The following C8orf34 variants were observed in gnomAD, a reference collection of about 807,000 sequenced individuals.
C8orf34 encodes chromosome 8 open reading frame 34, also known as uncharacterized protein C8orf34.
In C8orf34, 65 loss-of-function variants were observed where a neutral mutation model predicts 68.3. The ratio of observed to expected loss-of-function variants is 0.95; its 90% CI spans 0.78 to 1.17. C8orf34 has a LOEUF of 1.17. C8orf34 is among the 50% of genes most tolerant of loss of function. The pLI is 0.00. For missense variants in C8orf34, 664 were observed against 655.4 expected (o/e 1.01, Z -0.14); for synonymous variants, 244 against 241.2 (o/e 1.01, Z -0.11).
intron 8 of C8orf34, among the ~76,000 whole-genome samples, chr8:68,662,002 AC>A (rs952170460): frequency 2.0e-4 from 30 of 152,122 alleles, no homozygotes; most frequent in Non-Finnish European, 3.4e-4. Context: ...CAGGAGAAAA[AC>A]CATGTTAATT....
rs765133072 is a variant in C8orf34 at position 68,721,364 on chromosome 8, C to A, written c.1331C>A (p.Ser444Tyr). The A allele has an allele frequency of 6.3e-7, 1 of 1,599,820 alleles. No homozygotes were observed. Residue 444 changes from serine to tyrosine, a missense_variant, in exon 10 of 14, where the codon TCC becomes TAC. By Grantham distance (144) the Ser-to-Tyr change is moderately radical. Coordinates refer to ENST00000518698, the MANE Select transcript of C8orf34 (RefSeq NM_052958.4). ...CATTTTTTAAAAATAAAAATAGATT[C>A]CTTGCCTGGGACTGAAGAAGCACTA... ...PDEKIPDSFD[S>Y]LPGTEEALME... is the part of the protein sequence containing the mutation.
intron 5 of C8orf34, among the ~76,000 whole-genome samples, chr8:68,509,294 G>A (rs754509116): frequency 2.6e-5 from 4 of 152,176 alleles, no homozygotes; most frequent in Non-Finnish European, 4.4e-5. Context: ...GAAGGCAAGA[G>A]CAGACAAACT....
At chr8:68,404,312 C>T (rs1345733620) in intron 1 of C8orf34, among the ~76,000 whole-genome samples, 2 of 152,040 alleles carry the variant, frequency 1.3e-5, no homozygotes, top group East Asian at 1.9e-4. Context: ...AAGTTTCTCC[C>T]GTTCTGTAAG....
intron 7 of C8orf34, among the ~76,000 whole-genome samples, chr8:68,608,847 A>G (rs1009054492): frequency 6.6e-6 from 1 of 152,074 alleles, no homozygotes; most frequent in African/African-American, 2.4e-5. Flanking sequence ...TGTTAATAGT[A>G]CGGATGAAGT....
chr8:68,431,934 G>T (rs1810468449), intron 1 of C8orf34, among the ~76,000 whole-genome samples: 1 of 152,078 alleles, frequency 6.6e-6, no homozygotes, highest in East Asian at 1.9e-4. Flanking sequence ...TTATTCCATA[G>T]TATACAACAA....
intron 7 of C8orf34, among the ~76,000 whole-genome samples, chr8:68,559,077 G>A (rs1179076793): frequency 6.6e-6 from 1 of 152,088 alleles, no homozygotes; most frequent in African/African-American, 2.4e-5. Flanking sequence ...CAATGAGAGT[G>A]AACATGAACA....
intron 7 of C8orf34, chr8:68,534,254 T>C: frequency 1.3e-5 from 13 of 985,388 alleles, no homozygotes; most frequent in Non-Finnish European, 1.4e-5. Context: ...TCATGGCGTT[T>C]TCATTACATG....
At chr8:68,702,208 T>C (rs1217081490) in intron 8 of C8orf34, among the ~76,000 whole-genome samples, 2 of 152,116 alleles carry the variant, frequency 1.3e-5, no homozygotes, top group Admixed American at 6.6e-5. Flanking sequence ...CCAGCCACCA[T>C]GGGCACTCTC....
chr8:68,497,184 G>T (rs1316978786), intron 5 of C8orf34, among the ~76,000 whole-genome samples: 1 of 152,010 alleles, frequency 6.6e-6, no homozygotes, highest in Non-Finnish European at 1.5e-5. Context: ...GAGAATAAAA[G>T]ACCTAAATTC....
intron 1 of C8orf34, among the ~76,000 whole-genome samples, chr8:68,419,157 A>T (rs1351957807): frequency 6.6e-6 from 1 of 152,160 alleles, no homozygotes; most frequent in Non-Finnish European, 1.5e-5. Context: ...CCCATCAAGA[A>T]GTGGGCGAAG....
chr8:68,428,058 G>A (rs955167650), intron 1 of C8orf34, among the ~76,000 whole-genome samples: 1 of 150,714 alleles, frequency 6.6e-6, no homozygotes, highest in African/African-American at 2.4e-5. Flanking sequence ...GTTCTTTAAA[G>A]AAATATAGCT....
intron 11 of C8orf34, among the ~76,000 whole-genome samples, chr8:68,779,046 A>G (rs1351101831): frequency 6.6e-6 from 1 of 151,868 alleles, no homozygotes; most frequent in Non-Finnish European, 1.5e-5. Flanking sequence ...GCATAGTGGC[A>G]CACACCTATA....
In C8orf34 at chr8:68,406,123, C is replaced by A. The variant is rs996550628; in HGVS notation, c.328-33376C>A. 2.6e-5 allele frequency among the ~76,000 whole-genome samples: 4 copies of A among 152,064 alleles called. No individual in the cohort carries two copies. The South Asian group carries it at 8.3e-4, about 31-fold the overall frequency. Reference sequence around the variant, plus strand: ...AGCAGGATTTGGCCTGGGGACCCAACATGGGGCTAAAAGCCTGCAGGGGAA... The same window carrying A: ...AGCAGGATTTGGCCTGGGGACCCAAAATGGGGCTAAAAGCCTGCAGGGGAA... On this transcript the variant is annotated intron_variant, in intron 1 of 13. Coordinates refer to ENST00000518698, the MANE Select transcript of C8orf34 (RefSeq NM_052958.4).
intron 9 of C8orf34, 72 bp from the exon 10 acceptor site, chr8:68,721,289 C>A: frequency 1.0e-6 from 1 of 953,782 alleles, no homozygotes; most frequent in Non-Finnish European, 1.6e-6. Flanking sequence ...CTTCTCACAA[C>A]AGGTTTATAT....
intron 10 of C8orf34, among the ~76,000 whole-genome samples, chr8:68,774,827 C>T (rs1018880843): frequency 2.6e-5 from 4 of 151,168 alleles, no homozygotes; most frequent in African/African-American, 9.7e-5. Flanking sequence ...TCACCCTGGG[C>T]CGGGTGTGGT....
At chr8:68,744,405 A>G (rs1432371587) in intron 10 of C8orf34, among the ~76,000 whole-genome samples, 2 of 152,230 alleles carry the variant, frequency 1.3e-5, no homozygotes, top group East Asian at 1.9e-4. Context: ...ACGAGCTGAG[A>G]GAAGAAGGCT....
chr8:68,737,256 A>T (rs1822147355), intron 10 of C8orf34, among the ~76,000 whole-genome samples: 2 of 152,042 alleles, frequency 1.3e-5, no homozygotes, highest in South Asian at 4.1e-4. Flanking sequence ...TTCTTTGTCC[A>T]TTGCTGCTTC....
chr8:68,627,859 A>G (rs975787654), intron 7 of C8orf34, among the ~76,000 whole-genome samples: 5 of 152,198 alleles, frequency 3.3e-5, no homozygotes, highest in African/African-American at 9.7e-5. Flanking sequence ...GGGTTTGGCT[A>G]TTGAGTTTGG....
At chr8:68,601,200 T>C (rs566944679) in intron 7 of C8orf34, among the ~76,000 whole-genome samples, 4 of 152,256 alleles carry the variant, frequency 2.6e-5, no homozygotes, top group Admixed American at 2.6e-4. Flanking sequence ...TTAGTTTTTA[T>C]AAATATAATT....
Sources: gnomAD v4.1 joint callset for allele counts (sites outside exome capture counted in the v4.1 genomes callset) on GRCh38, gnomAD v4.1.1 for gene constraint, MANE v1.5 for transcripts, NCBI Gene and HGNC (gene_info 2026-07-23, HGNC 2026-07-21) for gene names.